ROBO2: variants seen among roughly 807,000 people sequenced by gnomAD.
ROBO2 encodes roundabout guidance receptor 2, also known as roundabout homolog 2.
A neutral mutation model predicts 160.8 loss-of-function variants in ROBO2; 53 were observed. The ratio of observed to expected loss-of-function variants is 0.33; its 90% confidence interval spans 0.26 to 0.41. ROBO2 has a LOEUF of 0.41. ROBO2 is among the 10% of genes least tolerant of loss of function. The probability of loss-of-function intolerance (pLI) is 1.00; values close to 1 mark genes in which losing one functional copy is unlikely to be tolerated. For missense variants in ROBO2, 1,577 were observed against 1,722.4 expected (o/e 0.92, Z 1.49); for synonymous variants, 664 against 611.7 (o/e 1.09, Z -1.26).
chr3:76,908,103 G>A (rs182157418), intron 2 of ROBO2, among the ~76,000 whole-genome samples: 436 of 152,108 alleles, frequency 2.9e-3, no homozygotes, highest in African/African-American at 1.0e-2. Flanking sequence ...GCTTCCCAAA[G>A]TGCTAGGATT....
intron 2 of ROBO2, among the ~76,000 whole-genome samples, chr3:76,812,018 C>T (rs1295180056): frequency 1.3e-5 from 2 of 151,578 alleles, no homozygotes; most frequent in East Asian, 3.9e-4. Context: ...CTATAGGTGC[C>T]CACCACCATG....
intron 2 of ROBO2, among the ~76,000 whole-genome samples, chr3:76,997,350 A>G (rs1457664894): frequency 6.6e-6 from 1 of 152,138 alleles, no homozygotes; most frequent in Admixed American, 6.6e-5. Context: ...TATTTCTCCT[A>G]TTATTATATT....
intron 2 of ROBO2, among the ~76,000 whole-genome samples, chr3:76,971,524 C>G (rs2059571471): frequency 6.6e-6 from 1 of 151,182 alleles, no homozygotes; most frequent in South Asian, 2.1e-4. Context: ...ATGTATTTGC[C>G]AGAAATAGAC....
intron 2 of ROBO2, among the ~76,000 whole-genome samples, chr3:77,442,273 C>T (rs1042153618): frequency 1.3e-5 from 2 of 151,622 alleles, no homozygotes; most frequent in Admixed American, 1.3e-4. Flanking sequence ...GATCGCGCCA[C>T]TGAACTCCAG....
chr3:77,250,565 C>T (rs183583051), intron 2 of ROBO2, among the ~76,000 whole-genome samples: 17 of 152,174 alleles, frequency 1.1e-4, no homozygotes, highest in Admixed American at 1.0e-3. Flanking sequence ...TCTTTTTTTC[C>T]CCGGAATCAC....
chr3:77,028,556 A>G (rs2063115284), intron 2 of ROBO2, among the ~76,000 whole-genome samples: 1 of 151,996 alleles, frequency 6.6e-6, no homozygotes, highest in African/African-American at 2.4e-5. Flanking sequence ...TCTCTAATAA[A>G]AAAAATACAA....
intron 2 of ROBO2, among the ~76,000 whole-genome samples, chr3:76,911,838 A>C (rs1363175475): frequency 1.3e-5 from 2 of 152,164 alleles, no homozygotes; most frequent in Admixed American, 6.6e-5. Flanking sequence ...GTGGTGGCGC[A>C]TGCCTGTAAT....
chr3:76,551,769 C>T (rs1165823499), intron 2 of ROBO2, among the ~76,000 whole-genome samples: 1 of 152,176 alleles, frequency 6.6e-6, no homozygotes, highest in Non-Finnish European at 1.5e-5. Flanking sequence ...ACATCAGATC[C>T]AACTGCAGCC....
intron 2 of ROBO2, among the ~76,000 whole-genome samples, chr3:76,809,569 G>A (rs2065002556): frequency 6.6e-6 from 1 of 152,134 alleles, no homozygotes; most frequent in African/African-American, 2.4e-5. Context: ...GGAAGAGACA[G>A]CACAAAGGTG....
At chr3:77,252,811 A>AAAAAAAAG (rs1398607462) in intron 2 of ROBO2, among the ~76,000 whole-genome samples, 1 of 35,854 alleles carries the variant, frequency 2.8e-5, no homozygotes, top group Non-Finnish European at 8.3e-5. Context: ...CCATCTCAAA[A>AAAAAAAAG]AAAAAAAAAA....
At chr3:76,033,866 C>G (rs569964395) in intron 2 of ROBO2, among the ~76,000 whole-genome samples, 3 of 152,126 alleles carry the variant, frequency 2.0e-5, no homozygotes, top group Non-Finnish European at 4.4e-5. Context: ...CCTCCCGTCT[C>G]TCCGTGTGGT....
chr3:77,442,804 G>A (rs1227701019), intron 2 of ROBO2, among the ~76,000 whole-genome samples: 1 of 152,168 alleles, frequency 6.6e-6, no homozygotes, highest in Non-Finnish European at 1.5e-5. Flanking sequence ...CTATTGTGAT[G>A]TAGTGTGTGA....
intron 2 of ROBO2, among the ~76,000 whole-genome samples, chr3:76,380,736 C>T (rs1024106142): frequency 2.6e-5 from 4 of 152,104 alleles, no homozygotes; most frequent in Non-Finnish European, 5.9e-5. Flanking sequence ...GGATTTTCTA[C>T]TACACAGGAG....
intron 2 of ROBO2, among the ~76,000 whole-genome samples, chr3:77,232,460 TC>T (rs1409518544): frequency 6.6e-6 from 1 of 152,006 alleles, no homozygotes; most frequent in African/African-American, 2.4e-5. Context: ...AAAAATGGAT[TC>T]TTTGATTTGT....
intron 2 of ROBO2, among the ~76,000 whole-genome samples, chr3:76,440,774 C>T (rs1156280066): frequency 1.3e-5 from 2 of 152,052 alleles, no homozygotes; most frequent in Non-Finnish European, 2.9e-5. Flanking sequence ...ACTACATGAG[C>T]AGGCAGTCAC....
At chr3:77,292,656 G>C (rs1390794822) in intron 2 of ROBO2, among the ~76,000 whole-genome samples, 2 of 150,680 alleles carry the variant, frequency 1.3e-5, no homozygotes, top group Admixed American at 6.6e-5. Flanking sequence ...GAACAGTAAA[G>C]ACATAAAGTA....
At chr3:75,988,313 A>G (rs2065471342) in intron 2 of ROBO2, among the ~76,000 whole-genome samples, 1 of 152,062 alleles carries the variant, frequency 6.6e-6, no homozygotes, top group Admixed American at 6.6e-5. Context: ...TCAACTTTTG[A>G]CATATAATTG....
intron 2 of ROBO2, among the ~76,000 whole-genome samples, chr3:77,323,697 A>G (rs1581066034): frequency 1.3e-5 from 2 of 152,120 alleles, no homozygotes; most frequent in Non-Finnish European, 2.9e-5. Flanking sequence ...AACTCCTGAA[A>G]ATGATTACAA....
At chr3:76,716,599 T>A (rs1173981351) in intron 2 of ROBO2, among the ~76,000 whole-genome samples, 1 of 152,202 alleles carries the variant, frequency 6.6e-6, no homozygotes, top group Non-Finnish European at 1.5e-5. Context: ...GAAAGAAAAT[T>A]AATGGATGAA....
Sources: allele counts gnomAD v4.1 joint callset (sites outside exome capture counted in the v4.1 genomes callset), GRCh38; gene constraint gnomAD v4.1.1; transcripts MANE v1.5; gene names NCBI Gene and HGNC (gene_info 2026-07-23, HGNC 2026-07-21).